CLYBL: variants seen among roughly 807,000 people sequenced by gnomAD.
The protein encoded by CLYBL is citramalyl-CoA lyase, also known as citramalyl-CoA lyase, mitochondrial.
Under a neutral mutation model 38.9 loss-of-function variants are expected in CLYBL, and 31 were observed. That is an observed-to-expected ratio of 0.80 (90% CI 0.60 to 1.08). The LOEUF (loss-of-function observed/expected upper bound fraction) is 1.08, where lower values mean the gene tolerates loss of function less well. Among genes scored for constraint, CLYBL ranks in the 50% least tolerant of loss-of-function variants. The probability of loss-of-function intolerance (pLI) is 0.00; values close to 1 mark genes in which losing one functional copy is unlikely to be tolerated. For synonymous variants in CLYBL, 171 were observed against 158.6 expected, an observed-to-expected ratio of 1.08 and a Z score of -0.59; for missense variants, 434 against 411.6, an observed-to-expected ratio of 1.05 and a Z score of -0.47.
intron 2 of CLYBL, among the ~76,000 whole-genome samples, chr13:99,834,621 T>G (rs1338427468): frequency 6.6e-6 from 1 of 152,072 alleles, no homozygotes; most frequent in Non-Finnish European, 1.5e-5. Flanking sequence ...CCTTTTTCCT[T>G]CCTCGAGGGT....
chr13:99,814,462 A>G (rs1212664861), intron 2 of CLYBL, among the ~76,000 whole-genome samples: 2 of 152,198 alleles, frequency 1.3e-5, no homozygotes, highest in African/African-American at 2.4e-5. Context: ...GTGGCTTATA[A>G]TTGTAATTCC....
intron 2 of CLYBL, among the ~76,000 whole-genome samples, chr13:99,786,176 C>CT (rs1228326680): frequency 1.8e-4 from 25 of 136,384 alleles, no homozygotes; most frequent in Admixed American, 1.1e-3. Context: ...TCATAATTGC[C>CT]TTTTTTTTTC....
At chr13:99,690,374 G>T (rs918595769) in intron 1 of CLYBL, 1 of 152,160 alleles carries the variant, frequency 6.6e-6, no homozygotes, top group Non-Finnish European at 1.5e-5. Flanking sequence ...AAGGAACATA[G>T]ATTTTGGTGT....
chr13:99,868,632 G>A (rs1473598009), intron 6 of CLYBL, among the ~76,000 whole-genome samples: 1 of 152,108 alleles, frequency 6.6e-6, no homozygotes, highest in Non-Finnish European at 1.5e-5. Context: ...GTTAGCTGTA[G>A]TTTCTTTTCT....
chr13:99,838,403 G>C (rs945138714), intron 2 of CLYBL, among the ~76,000 whole-genome samples: 1 of 152,170 alleles, frequency 6.6e-6, no homozygotes, highest in African/African-American at 2.4e-5. Context: ...GGATGTTAAA[G>C]CCAGAAAGAA....
intron 2 of CLYBL, among the ~76,000 whole-genome samples, chr13:99,803,400 G>T (rs534382336): frequency 3.3e-5 from 5 of 152,358 alleles, no homozygotes; most frequent in Admixed American, 6.5e-5. Context: ...CCAGCCCATC[G>T]CTGGATGTTG....
chr13:99,762,061 A>G (rs1314666215), intron 1 of CLYBL, among the ~76,000 whole-genome samples: 1 of 152,096 alleles, frequency 6.6e-6, no homozygotes, highest in African/African-American at 2.4e-5. Flanking sequence ...TATTCTGGTT[A>G]TTAATTTCTT....
chr13:99,749,772 G>A (rs946846795), intron 1 of CLYBL, among the ~76,000 whole-genome samples: 4 of 152,264 alleles, frequency 2.6e-5, no homozygotes, highest in Non-Finnish European at 5.9e-5. Context: ...CCGCCAGTGG[G>A]AGGACAAATA....
At chr13:99,711,086 C>T (rs1320611763) in intron 1 of CLYBL, among the ~76,000 whole-genome samples, 3 of 151,878 alleles carry the variant, frequency 2.0e-5, no homozygotes, top group African/African-American at 7.3e-5. Context: ...GGGGTTTTGC[C>T]AGGCTAGTCT....
chr13:99,890,632 A>AT (rs200469272), intron 7 of CLYBL, among the ~76,000 whole-genome samples: 4 of 151,910 alleles, frequency 2.6e-5, no homozygotes, highest in Non-Finnish European at 4.4e-5. Flanking sequence ...TGCCCAGCTA[A>AT]TTTTTTTGTA....
At chr13:99,757,740 T>C (rs1344361412) in intron 1 of CLYBL, among the ~76,000 whole-genome samples, 1 of 152,212 alleles carries the variant, frequency 6.6e-6, no homozygotes, top group Non-Finnish European at 1.5e-5. Flanking sequence ...ATTATAGGCG[T>C]GAACCACTGC....
intron 1 of CLYBL, among the ~76,000 whole-genome samples, chr13:99,692,134 C>G (rs2047911829): frequency 6.6e-6 from 1 of 152,160 alleles, no homozygotes; most frequent in Non-Finnish European, 1.5e-5. Context: ...TTAGAATCCA[C>G]AAGTTGTGCT....
intron 1 of CLYBL, among the ~76,000 whole-genome samples, chr13:99,741,534 A>G (rs1369156125): frequency 6.6e-6 from 1 of 151,430 alleles, no homozygotes; most frequent in African/African-American, 2.4e-5. Context: ...AAACCATTTG[A>G]GCATATGTAT....
At chr13:99,653,454 G>A (rs1594103059) in intron 1 of CLYBL, among the ~76,000 whole-genome samples, 1 of 152,050 alleles carries the variant, frequency 6.6e-6, no homozygotes. Flanking sequence ...CAACTCACCT[G>A]TAACTCCTGG....
intron 1 of CLYBL, among the ~76,000 whole-genome samples, chr13:99,636,318 T>G (rs1253527014): frequency 6.6e-6 from 1 of 152,228 alleles, no homozygotes; most frequent in Non-Finnish European, 1.5e-5. Context: ...TTATTAATGT[T>G]TACCAAGGTC....
At chr13:99,768,514 TTTTTTTTTTTTTTTAA>T (rs2049318020) in intron 1 of CLYBL, among the ~76,000 whole-genome samples, 2 of 23,312 alleles carry the variant, frequency 8.6e-5, no homozygotes, top group African/African-American at 9.8e-5. Context: ...TTTTTTTTTT[TTTTTTTTTTTTTTTAA>T]AGACAGAATC....
At chr13:99,790,336 C>T (rs537827411) in intron 2 of CLYBL, among the ~76,000 whole-genome samples, 17 of 152,228 alleles carry the variant, frequency 1.1e-4, no homozygotes, top group South Asian at 4.1e-4. Context: ...TGGCTGGTAC[C>T]GGTTGTTCCT....
intron 1 of CLYBL, among the ~76,000 whole-genome samples, chr13:99,758,525 T>C (rs898523975): frequency 2.0e-5 from 3 of 152,226 alleles, no homozygotes; most frequent in African/African-American, 7.2e-5. Context: ...ATTCATACGC[T>C]GTAGACAGTG....
intron 1 of CLYBL, among the ~76,000 whole-genome samples, chr13:99,641,738 G>A (rs1288516805): frequency 6.6e-6 from 1 of 152,128 alleles, no homozygotes; most frequent in Non-Finnish European, 1.5e-5. Flanking sequence ...CGTGAACCCG[G>A]GAGGTGGAGC....
Sources: gnomAD v4.1 joint callset for allele counts (sites outside exome capture counted in the v4.1 genomes callset) on GRCh38, gnomAD v4.1.1 for gene constraint, MANE v1.5 for transcripts, NCBI Gene and HGNC (gene_info 2026-07-23, HGNC 2026-07-21) for gene names.